The following ILRUN variants were observed in gnomAD, a reference collection of about 807,000 sequenced individuals.
ILRUN encodes protein ILRUN.
In ILRUN, 3 loss-of-function variants were observed where a neutral mutation model predicts 33.8. The ratio of observed to expected loss-of-function variants is 0.09; its 90% CI spans 0.04 to 0.23. The LOEUF is 0.23. Among genes scored for constraint, ILRUN ranks in the 10% least tolerant of loss-of-function variants. The probability of loss-of-function intolerance (pLI) is 1.00; values close to 1 mark genes in which losing one functional copy is unlikely to be tolerated. For synonymous variants in ILRUN, 124 were observed against 138.9 expected (o/e 0.89, Z 0.75); for missense variants, 210 against 375.1 (o/e 0.56, Z 3.64).
chr6:34,696,276 C>G, intron 1 of ILRUN, 170 bp downstream of exon 1: 1 of 680,764 alleles, frequency 1.5e-6, no homozygotes, highest in Non-Finnish European at 2.4e-6. Flanking sequence ...TGCTCAGCCC[C>G]CAAATACTCC....
intron 1 of ILRUN, among the ~76,000 whole-genome samples, chr6:34,681,834 T>C (rs1387763062): frequency 2.7e-5 from 4 of 146,072 alleles, no homozygotes; most frequent in African/African-American, 7.7e-5. Context: ...ATGACCAAAG[T>C]CCACCACTAC....
chr6:34,644,399 G>A (rs1762528863), intron 3 of ILRUN, among the ~76,000 whole-genome samples: 1 of 152,150 alleles, frequency 6.6e-6, no homozygotes, highest in Non-Finnish European at 1.5e-5. Context: ...AAGATGACAT[G>A]AGACATTTAT....
intron 1 of ILRUN, among the ~76,000 whole-genome samples, chr6:34,655,793 C>CA (rs1762759458): frequency 6.6e-6 from 1 of 152,050 alleles, no homozygotes; most frequent in South Asian, 2.1e-4. Flanking sequence ...CTAATGGTCC[C>CA]ACCAAGAATA....
At chr6:34,626,007 C>A (rs1304789477) in intron 3 of ILRUN, among the ~76,000 whole-genome samples, 1 of 151,666 alleles carries the variant, frequency 6.6e-6, no homozygotes, top group African/African-American at 2.4e-5. Context: ...CCCGCCACCA[C>A]GCCCGGCTAA....
chr6:34,611,528 G>A (rs1482630416), intron 3 of ILRUN, among the ~76,000 whole-genome samples: 2 of 151,970 alleles, frequency 1.3e-5, no homozygotes, highest in African/African-American at 2.4e-5. Context: ...TCCAGAATGC[G>A]TTCACCCCCT....
At chr6:34,655,160 A>G (rs918191963) in intron 1 of ILRUN, among the ~76,000 whole-genome samples, 8 of 152,254 alleles carry the variant, frequency 5.3e-5, no homozygotes, top group East Asian at 3.9e-4. Context: ...TATTAAAAAA[A>G]AGAGAGAGAG....
chr6:34,604,564 G>A (rs1293376350), intron 4 of ILRUN, among the ~76,000 whole-genome samples: 1 of 152,132 alleles, frequency 6.6e-6, no homozygotes, highest in Admixed American at 6.5e-5. Context: ...AAACCCAACA[G>A]ACTGAAGTTC....
At chr6:34,617,748 C>T (rs1761927993) in intron 3 of ILRUN, among the ~76,000 whole-genome samples, 1 of 152,146 alleles carries the variant, frequency 6.6e-6, no homozygotes, top group African/African-American at 2.4e-5. Context: ...CTCAAATGTG[C>T]ATTAGAAACT....
chr6:34,614,503 T>TA (rs1554183836), intron 3 of ILRUN, among the ~76,000 whole-genome samples: 24,084 of 141,712 alleles, frequency 0.17, 2,209 homozygotes, highest in African/African-American at 0.22. Context: ...ATATTATATT[T>TA]TATATATATA....
intron 1 of ILRUN, among the ~76,000 whole-genome samples, chr6:34,683,475 C>CATATATATGTATATATAT (rs1763436423): frequency 1.3e-5 from 1 of 79,894 alleles, no homozygotes; most frequent in African/African-American, 6.7e-5. Context: ...TATATATACA[C>CATATATATGTATATATAT]ATATATATAT....
chr6:34,690,907 C>T (rs1383123701), intron 1 of ILRUN, among the ~76,000 whole-genome samples: 1 of 152,128 alleles, frequency 6.6e-6, no homozygotes. Context: ...TGCAAATCTA[C>T]AGGAAAAGTT....
chr6:34,682,987 G>C (rs1484717724), intron 1 of ILRUN, among the ~76,000 whole-genome samples: 1 of 151,616 alleles, frequency 6.6e-6, no homozygotes, highest in African/African-American at 2.4e-5. Context: ...AAATTAGCCA[G>C]GCATGGTGAC....
intron 1 of ILRUN, among the ~76,000 whole-genome samples, chr6:34,662,120 G>T (rs1255349622): frequency 4.1e-5 from 3 of 72,530 alleles, no homozygotes; most frequent in Non-Finnish European, 7.5e-5. Context: ...GCGAGACTCC[G>T]TCTCAAAAAA....
In ILRUN at chr6:34,654,792, A is replaced by T. The variant is rs942737747; in HGVS notation, c.159-13T>A. ...TGCTTGTAGGTTCCTATAGAAAAAG[A>T]GAAAAGGCAACAGACTTCAGTACTG... On this transcript the variant is annotated splice_polypyrimidine_tract_variant and intron_variant, in intron 1 of 4. Coordinates refer to ENST00000374023, the MANE Select transcript of ILRUN (RefSeq NM_024294.4). 1 of 1,605,168 alleles carries T rather than the reference A, an allele frequency of 6.2e-7. No individual in the cohort carries two copies. Among genetic ancestry groups the T allele is most frequent in the East Asian group, 2.2e-5 (1 of 44,862 alleles).
At chr6:34,693,727 C>T (rs942345146) in intron 1 of ILRUN, among the ~76,000 whole-genome samples, 2 of 149,450 alleles carry the variant, frequency 1.3e-5, no homozygotes, top group Admixed American at 1.3e-4. Flanking sequence ...AGTGCAGTGG[C>T]GCAATCTCGG....
In ILRUN at chr6:34,674,070, C is replaced by T. The variant is rs535488118; in HGVS notation, c.159-19291G>A. On this transcript the variant is annotated intron_variant, in intron 1 of 4. Transcript: ENST00000374023. Reference sequence around the variant, plus strand: ...TGAAACGGAGTCTTGCTCTGTCACCCACGCTGGAGGGCAGTGGTGCGATCT... The same window carrying T: ...TGAAACGGAGTCTTGCTCTGTCACCTACGCTGGAGGGCAGTGGTGCGATCT... Among the ~76,000 whole-genome samples the T allele has an allele frequency of 5.3e-5, 8 of 152,286 alleles. No individual in the cohort carries two copies. The South Asian group carries it at 8.3e-4, about 16-fold the overall frequency.
chr6:34,660,870 G>C (rs1451850614), intron 1 of ILRUN, among the ~76,000 whole-genome samples: 2 of 152,138 alleles, frequency 1.3e-5, no homozygotes, highest in African/African-American at 4.8e-5. Context: ...ATTCAAGTTG[G>C]GCTAAAGGCA....
intron 1 of ILRUN, among the ~76,000 whole-genome samples, chr6:34,660,198 G>T (rs1414535898): frequency 6.6e-6 from 1 of 151,878 alleles, no homozygotes; most frequent in African/African-American, 2.4e-5. Context: ...AGCCACTCAG[G>T]GGGCTGAAGT....
chr6:34,660,824 C>A (rs962713921), intron 1 of ILRUN, among the ~76,000 whole-genome samples: 1 of 152,136 alleles, frequency 6.6e-6, no homozygotes, highest in African/African-American at 2.4e-5. Flanking sequence ...GAAACTAAGA[C>A]TTTCATTGAA....
Sources: allele counts gnomAD v4.1 joint callset (sites outside exome capture counted in the v4.1 genomes callset), GRCh38; gene constraint gnomAD v4.1.1; transcripts MANE v1.5; gene names NCBI Gene and HGNC (gene_info 2026-07-23, HGNC 2026-07-21).